The following FREM1 variants were observed in gnomAD, a reference collection of about 807,000 sequenced individuals.
FREM1 encodes the protein FRAS1-related extracellular matrix protein 1.
Under a neutral mutation model 210.1 loss-of-function variants are expected in FREM1, and 220 were observed. The ratio of observed to expected loss-of-function variants is 1.05; its 90% confidence interval spans 0.94 to 1.17. FREM1 has a LOEUF of 1.17. FREM1 is among the 50% of genes most tolerant of loss of function. FREM1 has a pLI of 0.00. For missense variants in FREM1, 3,454 were observed against 2,675.5 expected, an observed-to-expected ratio of 1.29 and a Z score of -6.42; for synonymous variants, 1,189 against 980.2, an observed-to-expected ratio of 1.21 and a Z score of -3.98.
In FREM1 at chr9:14,788,935, G is replaced by C; in HGVS notation, c.4161C>G (p.Ile1387Met). 3 of 1,612,286 alleles carry C rather than the reference G, an allele frequency of 1.9e-6. No homozygotes were observed. The highest frequency in any genetic ancestry group is 2.5e-6 in the Non-Finnish European group (3 of 1,179,138). ...RSPALDCQIT[I>M]KDMEKGDIVI... is the part of the protein sequence containing the mutation. ...TGCTTTTACCTTTTTCCATGTCCTT[G>C]ATGGTGATTTGACAGTCAAGAGCAG... The change falls in exon 23 of 37, where the codon ATC becomes ATG. Residue 1387 changes from isoleucine to methionine, a missense_variant. Ile to Met is a conservative substitution (Grantham distance 10). Coordinates refer to ENST00000380880, the MANE Select transcript of FREM1 (RefSeq NM_001379081.2).
chr9:14,832,314 T>C (rs1012898122), intron 10 of FREM1, among the ~76,000 whole-genome samples: 1 of 152,202 alleles, frequency 6.6e-6, no homozygotes, highest in African/African-American at 2.4e-5. Flanking sequence ...AATAGGTATA[T>C]AGAAGCTTTC....
At chr9:14,880,343 C>T (rs937896752) in intron 1 of FREM1, among the ~76,000 whole-genome samples, 13 of 152,086 alleles carry the variant, frequency 8.5e-5, no homozygotes, top group African/African-American at 3.1e-4. Context: ...GTGGCTCATG[C>T]CTGTAATCCC....
At chr9:14,751,878 G>A (rs542196865) in intron 29 of FREM1, 1 of 151,762 alleles carries the variant, frequency 6.6e-6, no homozygotes, top group Non-Finnish European at 1.5e-5. Context: ...AAAAAATTAG[G>A]TGTACTTGGA....
Position 14,845,944 on chromosome 9 carries a change from A to G in FREM1, c.1393+16T>C. 1 of 1,612,950 alleles carries G rather than the reference A, an allele frequency of 6.2e-7. No individual in the cohort carries two copies. Among genetic ancestry groups the G allele is most frequent in the Non-Finnish European group, 8.5e-7 (1 of 1,179,254 alleles). On this transcript the variant is annotated intron_variant, in intron 8 of 36. Transcript: ENST00000380880. ...CTTTTGGATTCTTTGCTAGGTTACCAAGTTGGATCATTCACCTCTTAAAGT... is the reference window on the plus strand; with the variant it reads ...CTTTTGGATTCTTTGCTAGGTTACCGAGTTGGATCATTCACCTCTTAAAGT...
chr9:14,745,109 A>G (rs1274277655), intron 35 of FREM1, among the ~76,000 whole-genome samples: 1 of 152,090 alleles, frequency 6.6e-6, no homozygotes, highest in Non-Finnish European at 1.5e-5. Context: ...AGTGGGGTCT[A>G]TTGGAGTTTG....
intron 1 of FREM1, among the ~76,000 whole-genome samples, chr9:14,908,042 C>G (rs1427776456): frequency 6.6e-6 from 1 of 152,250 alleles, no homozygotes; most frequent in East Asian, 1.9e-4. Flanking sequence ...TGGCATGTAG[C>G]AGGTGCACCT....
intron 1 of FREM1, among the ~76,000 whole-genome samples, chr9:14,905,744 A>G (rs993400979): frequency 2.0e-5 from 3 of 152,130 alleles, no homozygotes; most frequent in Non-Finnish European, 4.4e-5. Flanking sequence ...CAAAAAAATT[A>G]GCCGGTCATG....
At chr9:14,843,574 T>C (rs995337657) in intron 8 of FREM1, among the ~76,000 whole-genome samples, 1 of 152,228 alleles carries the variant, frequency 6.6e-6, no homozygotes, top group Non-Finnish European at 1.5e-5. Context: ...TTCATTTCTC[T>C]AGGGAACCCT....
chr9:14,884,026 C>T (rs373839620), intron 1 of FREM1, among the ~76,000 whole-genome samples: 22 of 152,236 alleles, frequency 1.4e-4, no homozygotes, highest in East Asian at 9.7e-4. Context: ...GTCAGGAGTT[C>T]GAGCCCAGCC....
At position 14,759,790 on chromosome 9, in the gene FREM1, C is replaced by A. The variant is rs775863172; in HGVS notation, c.5316G>T (p.Ser1772=). 155 of 1,607,860 alleles carry A rather than the reference C, an allele frequency of 9.6e-5. No homozygotes were observed. The highest frequency in any genetic ancestry group is 1.3e-4 in the Non-Finnish European group (153 of 1,176,672). Residue 1772 remains serine (S), a synonymous_variant, in exon 28 of 37, where the codon TCG becomes TCT. Coordinates refer to ENST00000380880, the MANE Select transcript of FREM1 (RefSeq NM_001379081.2). ...TCATTACCTTTATACCCACAAAGGC[C>A]GAGTCCATGGAATATCCCCTTCTGA... The part of the protein sequence containing the change: ...EIIRRGYSMD[S]AFVGIKVNQV...
intron 5 of FREM1, among the ~76,000 whole-genome samples, chr9:14,856,452 T>C (rs1828745227): frequency 6.6e-6 from 1 of 152,232 alleles, no homozygotes; most frequent in Admixed American, 6.5e-5. Context: ...TATCAATTCC[T>C]TGGGGTAATA....
chr9:14,890,795 G>A lies in FREM1; in HGVS notation c.-268+19119C>T, dbSNP rs143551611. ...AAAGGTAGAGAAAACTGATTGCAGA[G>A]GGAAAAAATGTGTGCCCTCAACTTA... is the stretch of plus-strand genomic sequence containing the variant. On this transcript the variant is annotated intron_variant, in intron 1 of 36. Transcript: ENST00000380880. Among the ~76,000 whole-genome samples the A allele has an allele frequency of 6.3e-3, 955 of 152,252 alleles. 15 individuals are homozygous for A. The highest frequency in any genetic ancestry group is 0.022 in the African/African-American group (903 of 41,548).
In FREM1 at chr9:14,805,071, T is replaced by G. The variant is rs1818109521; in HGVS notation, c.3356A>C (p.Asp1119Ala). Residue 1119 changes from aspartate to alanine, a missense_variant, in exon 19 of 37, where the codon GAC becomes GCC. By Grantham distance (126) the Asp-to-Ala change is moderately radical. Coordinates refer to ENST00000380880, the MANE Select transcript of FREM1 (RefSeq NM_001379081.2). ...SRHLRIEPTA[D>A]QFTVYVTDGK... ...ATCTGTGACGTACACCGTGAACTGGTCGGCAGTTGGTTCTATCCTCAGATG... is the reference window on the plus strand; with the variant it reads ...ATCTGTGACGTACACCGTGAACTGGGCGGCAGTTGGTTCTATCCTCAGATG... 1.2e-6 allele frequency: 2 copies of G among 1,613,212 alleles called. No individual in the cohort carries two copies. Among genetic ancestry groups the G allele is most frequent in the Non-Finnish European group, 1.7e-6 (2 of 1,179,220 alleles).
intron 29 of FREM1, among the ~76,000 whole-genome samples, chr9:14,755,007 C>T (rs1240579060): frequency 6.6e-6 from 1 of 152,150 alleles, no homozygotes; most frequent in African/African-American, 2.4e-5. Context: ...AAGATGAAAG[C>T]AGAGATGCAG....
chr9:14,839,581 A>G (rs2131156973), intron 10 of FREM1, among the ~76,000 whole-genome samples: 1 of 152,322 alleles, frequency 6.6e-6, no homozygotes, highest in Non-Finnish European at 1.5e-5. Context: ...ATCACAGGGA[A>G]TAAACTTATA....
chr9:14,874,220 C>A (rs914366661), intron 1 of FREM1, among the ~76,000 whole-genome samples: 1 of 151,810 alleles, frequency 6.6e-6, no homozygotes, highest in Middle Eastern at 3.2e-3. Flanking sequence ...TCCTGGGTAC[C>A]CTTGTTAACT....
At chr9:14,876,405 G>A (rs570906856) in intron 1 of FREM1, among the ~76,000 whole-genome samples, 6 of 152,212 alleles carry the variant, frequency 3.9e-5, no homozygotes, top group South Asian at 2.1e-4. Flanking sequence ...CCCCAGCCTC[G>A]CTGCCGCCTT....
intron 16 of FREM1, among the ~76,000 whole-genome samples, chr9:14,811,532 C>T (rs1036012737): frequency 5.3e-5 from 8 of 152,140 alleles, no homozygotes; most frequent in Admixed American, 3.9e-4. Flanking sequence ...ATCAAACATA[C>T]GAACTACGCT....
At position 14,842,335 on chromosome 9, in the gene FREM1, C is replaced by T. The variant is rs1825834341; in HGVS notation, c.1719G>A (p.Lys573=). Residue 573 remains lysine (K), a synonymous_variant, in exon 9 of 37, where the codon AAG becomes AAA. Coordinates refer to ENST00000380880, the MANE Select transcript of FREM1 (RefSeq NM_001379081.2). The part of the protein sequence containing the change: ...KPPQAGEIMK[K]PGPGLIGYPV... ...ACTTACCTATCAGTCCTGGCCCTGG[C>T]TTCTTCATGATCTCCCCAGCCTGTG... The T allele has an allele frequency of 6.3e-7, 1 of 1,589,498 alleles. No individual in the cohort carries two copies. The highest frequency in any genetic ancestry group is 8.6e-7 in the Non-Finnish European group (1 of 1,166,546).
Sources: allele counts gnomAD v4.1 joint callset (sites outside exome capture counted in the v4.1 genomes callset), GRCh38; gene constraint gnomAD v4.1.1; transcripts MANE v1.5; gene names NCBI Gene and HGNC (gene_info 2026-07-23, HGNC 2026-07-21).